The following DPP10 variants were observed in gnomAD, a reference collection of about 807,000 sequenced individuals.
The protein encoded by DPP10 is inactive dipeptidyl peptidase 10.
DPP10 carries 33 observed loss-of-function variants against 120.9 expected under a neutral mutation model. That is an observed-to-expected ratio of 0.27 (90% CI 0.21 to 0.37). The LOEUF (loss-of-function observed/expected upper bound fraction) is 0.37, where lower values mean the gene tolerates loss of function less well. Ranked by LOEUF, DPP10 falls within the 10% of genes least tolerant of loss-of-function variation. The probability of loss-of-function intolerance (pLI) is 1.00; values close to 1 mark genes in which losing one functional copy is unlikely to be tolerated. For missense variants in DPP10, 816 were observed against 942.8 expected (o/e 0.87, Z 1.76); for synonymous variants, 337 against 326.1 (o/e 1.03, Z -0.36).
intron 1 of DPP10, among the ~76,000 whole-genome samples, chr2:114,912,913 A>G (rs1558872546): frequency 6.6e-6 from 1 of 152,190 alleles, no homozygotes; most frequent in African/African-American, 2.4e-5. Flanking sequence ...GCAGTGGATC[A>G]TAACCTTAGG....
chr2:115,695,897 A>G (rs1274281239), intron 7 of DPP10, among the ~76,000 whole-genome samples: 2 of 152,040 alleles, frequency 1.3e-5, no homozygotes, highest in Admixed American at 6.6e-5. Flanking sequence ...ATACCAGTGG[A>G]GAGAGAGAGA....
chr2:114,521,059 G>A (rs1442272745), intron 1 of DPP10, among the ~76,000 whole-genome samples: 1 of 151,996 alleles, frequency 6.6e-6, no homozygotes, highest in Non-Finnish European at 1.5e-5. Flanking sequence ...AAGACCCATA[G>A]AGTAAAGGGA....
chr2:115,466,659 A>G (rs1019024749), intron 3 of DPP10, among the ~76,000 whole-genome samples: 29 of 152,156 alleles, frequency 1.9e-4, no homozygotes, highest in Non-Finnish European at 1.0e-4. Flanking sequence ...TACATAATAA[A>G]ATATTAATTG....
At chr2:115,772,885 G>A (rs1681647378) in intron 13 of DPP10, among the ~76,000 whole-genome samples, 1 of 152,132 alleles carries the variant, frequency 6.6e-6, no homozygotes, top group African/African-American at 2.4e-5. Context: ...GAATGGCCCT[G>A]TCACCTTCTA....
chr2:114,517,521 C>CA (rs70937285), intron 1 of DPP10, among the ~76,000 whole-genome samples: 11,870 of 123,716 alleles, frequency 0.096, 580 homozygotes, highest in African/African-American at 0.16. Flanking sequence ...GACTCCGTCT[C>CA]AAAAAAAAAA....
At chr2:114,925,428 G>A (rs79203508) in intron 1 of DPP10, among the ~76,000 whole-genome samples, 333 of 152,194 alleles carry the variant, frequency 2.2e-3, no homozygotes, top group Non-Finnish European at 3.3e-3. Context: ...TTGCAATCAG[G>A]CTGTGTTTAT....
chr2:115,655,430 T>G (rs1212711007), intron 5 of DPP10, among the ~76,000 whole-genome samples: 2 of 151,666 alleles, frequency 1.3e-5, no homozygotes, highest in Non-Finnish European at 3.0e-5. Context: ...TAGAAAACTT[T>G]TTGCATCAAA....
At chr2:115,565,360 G>T (rs2080935621) in intron 5 of DPP10, among the ~76,000 whole-genome samples, 1 of 152,052 alleles carries the variant, frequency 6.6e-6, no homozygotes, top group African/African-American at 2.4e-5. Flanking sequence ...TGAACCAACT[G>T]AGAATAAGTT....
chr2:115,738,248 T>C (rs2149684385), intron 8 of DPP10, among the ~76,000 whole-genome samples: 1 of 152,322 alleles, frequency 6.6e-6, no homozygotes. Flanking sequence ...ATAGTTTCCC[T>C]GCAACTACAG....
intron 5 of DPP10, among the ~76,000 whole-genome samples, chr2:115,596,733 A>T (rs1239093823): frequency 6.6e-6 from 1 of 152,192 alleles, no homozygotes; most frequent in Non-Finnish European, 1.5e-5. Context: ...ACGGGAAAAA[A>T]TTATGTGAGT....
At chr2:114,851,902 T>G (rs1430644853) in intron 1 of DPP10, among the ~76,000 whole-genome samples, 1 of 152,136 alleles carries the variant, frequency 6.6e-6, no homozygotes, top group Non-Finnish European at 1.5e-5. Flanking sequence ...TTCTAATTCA[T>G]TATCTTTATT....
At chr2:114,611,060 C>T (rs1438243097) in intron 1 of DPP10, among the ~76,000 whole-genome samples, 1 of 152,086 alleles carries the variant, frequency 6.6e-6, no homozygotes, top group Non-Finnish European at 1.5e-5. Flanking sequence ...TGTCCCAGCA[C>T]TCGCTACCTA....
At chr2:114,883,402 A>C (rs759066521) in intron 1 of DPP10, among the ~76,000 whole-genome samples, 1 of 152,192 alleles carries the variant, frequency 6.6e-6, no homozygotes, top group Non-Finnish European at 1.5e-5. Flanking sequence ...TTTCCAGTAC[A>C]AATTAACAGA....
At chr2:115,574,723 C>G (rs1158485978) in intron 5 of DPP10, among the ~76,000 whole-genome samples, 1 of 152,184 alleles carries the variant, frequency 6.6e-6, no homozygotes, top group Non-Finnish European at 1.5e-5. Context: ...TGGAACAATG[C>G]CTGGAATATG....
At chr2:114,675,349 G>C (rs1183164183) in intron 1 of DPP10, among the ~76,000 whole-genome samples, 3 of 152,070 alleles carry the variant, frequency 2.0e-5, no homozygotes, top group Non-Finnish European at 4.4e-5. Flanking sequence ...GATGTCTTTT[G>C]TAAAAAGAGA....
At chr2:115,465,798 G>T (rs1055632881) in intron 3 of DPP10, among the ~76,000 whole-genome samples, 1 of 151,730 alleles carries the variant, frequency 6.6e-6, no homozygotes, top group Admixed American at 6.6e-5. Flanking sequence ...CTCCAGCCTG[G>T]GTGACAGAGT....
intron 1 of DPP10, among the ~76,000 whole-genome samples, chr2:114,708,832 T>A (rs1322153481): frequency 6.6e-6 from 1 of 152,182 alleles, no homozygotes. Flanking sequence ...CTTGGCTCAT[T>A]GCAACCTCTG....
intron 1 of DPP10, among the ~76,000 whole-genome samples, chr2:115,063,516 A>G (rs573380479): frequency 2.0e-4 from 31 of 152,332 alleles, no homozygotes; most frequent in Middle Eastern, 6.8e-3. Context: ...ACTTCAAACT[A>G]TACTACAAGG....
intron 5 of DPP10, among the ~76,000 whole-genome samples, chr2:115,613,307 A>G (rs904317237): frequency 6.6e-6 from 1 of 152,318 alleles, no homozygotes; most frequent in Admixed American, 6.5e-5. Flanking sequence ...CCAAGTCTCT[A>G]CTGAATGCCC....
Sources: allele counts gnomAD v4.1 joint callset (sites outside exome capture counted in the v4.1 genomes callset), GRCh38; gene constraint gnomAD v4.1.1; transcripts MANE v1.5; gene names NCBI Gene and HGNC (gene_info 2026-07-23, HGNC 2026-07-21).